Variants in GFOD1 observed in about 807,000 individuals in gnomAD.
GFOD1 encodes glucose-fructose oxidoreductase domain-containing protein 1.
Under a neutral mutation model 25.4 loss-of-function variants are expected in GFOD1, and 9 were observed. That is an observed-to-expected ratio of 0.35 (90% CI 0.21 to 0.62). The LOEUF (loss-of-function observed/expected upper bound fraction) is 0.62, where lower values mean the gene tolerates loss of function less well. Ranked by LOEUF, GFOD1 falls within the 20% of genes least tolerant of loss-of-function variation. The pLI is 0.72. For missense variants in GFOD1, 403 were observed against 556.9 expected (o/e 0.72, Z 2.78); for synonymous variants, 253 against 245.6 (o/e 1.03, Z -0.28).
intron 1 of GFOD1, among the ~76,000 whole-genome samples, chr6:13,437,670 C>A (rs1050720120): frequency 2.0e-5 from 3 of 152,190 alleles, no homozygotes; most frequent in Admixed American, 1.3e-4. Flanking sequence ...CAAACCCACC[C>A]TCTAGCAATC....
chr6:13,388,611 C>A (rs1317419966), intron 1 of GFOD1, among the ~76,000 whole-genome samples: 1 of 152,198 alleles, frequency 6.6e-6, no homozygotes, highest in Non-Finnish European at 1.5e-5. Context: ...CAAAAATTAA[C>A]TCAAGATGGA....
At chr6:13,399,493 T>G (rs1785801454) in intron 1 of GFOD1, among the ~76,000 whole-genome samples, 1 of 152,160 alleles carries the variant, frequency 6.6e-6, no homozygotes, top group African/African-American at 2.4e-5. Context: ...CAACAGCAGC[T>G]GAATAGATAA....
chr6:13,399,937 T>A (rs1008630131), intron 1 of GFOD1, among the ~76,000 whole-genome samples: 2 of 152,256 alleles, frequency 1.3e-5, no homozygotes, highest in African/African-American at 4.8e-5. Flanking sequence ...AAGGGTGATC[T>A]GATGTCTCTG....
intron 1 of GFOD1, among the ~76,000 whole-genome samples, chr6:13,422,818 A>T (rs1203663688): frequency 6.6e-6 from 1 of 152,202 alleles, no homozygotes; most frequent in Non-Finnish European, 1.5e-5. Flanking sequence ...TCTCTTAGTG[A>T]AACAGGAAGT....
rs1481331854 is a variant in GFOD1 at position 13,409,143 on chromosome 6, AAGAAAGAG to A, written c.254-43489_254-43482del. Among the ~76,000 whole-genome samples the A allele has an allele frequency of 2.0e-3, 90 of 44,270 alleles. 5 individuals carry two copies. The highest frequency in any genetic ancestry group is 4.4e-3 in the African/African-American group (90 of 20,556). 29.0% of individuals were successfully genotyped at this position (44,270 alleles called of 152,430 possible). A position where few individuals can be genotyped will look rare whatever the true frequency, so the allele number is the denominator to read the frequency against. On this transcript the variant is annotated intron_variant, in intron 1 of 1. Transcript: ENST00000379287. ...AAAGAAAGAAAGAAAGAAAGAAAGA[AAGAAAGAG>A]AGGAAAGAAAGAAAGGAAAGAGAGA...
intron 1 of GFOD1, among the ~76,000 whole-genome samples, chr6:13,444,746 GATTACAGTGTAGTGTAA>G (rs1307555167): frequency 6.6e-6 from 1 of 152,140 alleles, no homozygotes; most frequent in Non-Finnish European, 1.5e-5. Context: ...ACACTTAACA[GATTACAGTGTAGTGTAA>G]ACATAACTTT....
At chr6:13,451,075 T>A (rs140139881) in intron 1 of GFOD1, among the ~76,000 whole-genome samples, 19 of 152,306 alleles carry the variant, frequency 1.2e-4, no homozygotes, top group Non-Finnish European at 1.8e-4. Flanking sequence ...TGGTGCTCAT[T>A]CTTTGTACAC....
chr6:13,470,573 ATT>A, intron 1 of GFOD1: 1 of 1,497,754 alleles, frequency 6.7e-7, no homozygotes, highest in Non-Finnish European at 8.9e-7. Flanking sequence ...ACCACGTGGC[ATT>A]TTTTTTTCCC....
chr6:13,464,861 C>CGTGT (rs36218477), intron 1 of GFOD1, among the ~76,000 whole-genome samples: 99 of 146,866 alleles, frequency 6.7e-4, no homozygotes, highest in African/African-American at 2.3e-3. Context: ...TTCCTCTTTC[C>CGTGT]GTGTGTGTGT....
intron 1 of GFOD1, among the ~76,000 whole-genome samples, chr6:13,427,044 T>C (rs1757644223): frequency 1.3e-5 from 2 of 152,194 alleles, no homozygotes; most frequent in Admixed American, 6.5e-5. Context: ...TTTTGTAAAC[T>C]ACAAGGAAGC....
intron 1 of GFOD1, among the ~76,000 whole-genome samples, chr6:13,472,843 C>T (rs1282006338): frequency 1.3e-5 from 2 of 152,210 alleles, no homozygotes; most frequent in Admixed American, 6.5e-5. Flanking sequence ...GCCTAGCCAG[C>T]GTAGTAACTT....
At chr6:13,436,737 T>C (rs1757838786) in intron 1 of GFOD1, among the ~76,000 whole-genome samples, 1 of 152,250 alleles carries the variant, frequency 6.6e-6, no homozygotes, top group Non-Finnish European at 1.5e-5. Context: ...CCGCTATTGC[T>C]GAATTGCTGG....
At chr6:13,368,253 T>A (rs374405040) in intron 1 of GFOD1, among the ~76,000 whole-genome samples, 1 of 152,224 alleles carries the variant, frequency 6.6e-6, no homozygotes, top group African/African-American at 2.4e-5. Context: ...GCCTACAGAA[T>A]GACCACACCT....
Position 13,486,892 on chromosome 6 carries a change from G to GCTGCTCAGAGCCGC in GFOD1, c.-16_-3dup. The stretch of plus-strand genomic sequence containing the variant: ...GAACACGCCCACCCCGGGAAGCATG[G>GCTGCTCAGAGCCGC]CTGCTCAGAGCCGCCTGGTTCTGCT... On this transcript the variant is annotated 5_prime_UTR_variant, in exon 1 of 2. Transcript: ENST00000379287. 1 of 1,607,874 alleles carries GCTGCTCAGAGCCGC rather than the reference G, an allele frequency of 6.2e-7. No homozygotes were observed. The highest frequency in any genetic ancestry group is 8.5e-7 in the Non-Finnish European group (1 of 1,179,728).
At chr6:13,413,423 C>T (rs1237991236) in intron 1 of GFOD1, among the ~76,000 whole-genome samples, 1 of 152,154 alleles carries the variant, frequency 6.6e-6, no homozygotes, top group African/African-American at 2.4e-5. Flanking sequence ...AGCACACATG[C>T]CTCATCAAAA....
intron 1 of GFOD1, chr6:13,470,475 C>T (rs1017322046): frequency 3.2e-6 from 5 of 1,550,182 alleles, no homozygotes; most frequent in Non-Finnish European, 4.4e-6. Flanking sequence ...AAACCTGTCC[C>T]CTGGGACTCT....
chr6:13,386,767 C>T (rs1470387125), intron 1 of GFOD1, among the ~76,000 whole-genome samples: 2 of 152,200 alleles, frequency 1.3e-5, no homozygotes, highest in African/African-American at 4.8e-5. Context: ...CAGCCACCAT[C>T]TGTGTGGCCT....
chr6:13,379,742 C>T (rs981440621), intron 1 of GFOD1, among the ~76,000 whole-genome samples: 3 of 152,176 alleles, frequency 2.0e-5, no homozygotes, highest in African/African-American at 7.2e-5. Flanking sequence ...AATTTAAATG[C>T]CTCTTGAGTA....
Position 13,406,435 on chromosome 6 carries a change from G to GT in GFOD1, c.254-40774dup, listed in dbSNP as rs141934712. Among the ~76,000 whole-genome samples, 18 of 151,296 alleles carry GT rather than the reference G, an allele frequency of 1.2e-4. No homozygotes were observed. The East Asian group carries it at 3.1e-3, about 26-fold the overall frequency. On this transcript the variant is annotated intron_variant, in intron 1 of 1. Transcript: ENST00000379287. ...CCTGCAAGCGCTCTACAAATACAAG[G>GT]TAACACGGCTTCAGAAAGGGCGCCT... is the stretch of plus-strand genomic sequence containing the variant.
Sources: allele counts gnomAD v4.1 joint callset (sites outside exome capture counted in the v4.1 genomes callset), GRCh38; gene constraint gnomAD v4.1.1; transcripts MANE v1.5; gene names NCBI Gene and HGNC (gene_info 2026-07-23, HGNC 2026-07-21).